The following CDKL3 variants were observed in gnomAD, a reference collection of about 807,000 sequenced individuals.
CDKL3 encodes cyclin dependent kinase like 3, also known as cyclin-dependent kinase-like 3.
CDKL3 carries 65 observed loss-of-function variants against 69.3 expected under a neutral mutation model. That is an observed-to-expected ratio of 0.94 (90% confidence interval 0.77 to 1.15). The LOEUF (loss-of-function observed/expected upper bound fraction) is 1.15, where lower values mean the gene tolerates loss of function less well. Among genes scored for constraint, CDKL3 ranks in the 50% most tolerant of loss-of-function variants. CDKL3 has a pLI of 0.00. For synonymous variants in CDKL3, 202 were observed against 221.6 expected (o/e 0.91, Z 0.79); for missense variants, 652 against 689.2 (o/e 0.95, Z 0.61).
At chr5:134,371,418 C>T, upstream of CDKL3, 5 of 777,218 alleles carry the variant, frequency 6.4e-6, no homozygotes, top group Non-Finnish European at 1.0e-5. Flanking sequence ...CGGCGGAGGG[C>T]GGAGGGATCC....
At chr5:134,343,130 G>C (rs1402529228) in intron 4 of CDKL3, among the ~76,000 whole-genome samples, 1 of 151,898 alleles carries the variant, frequency 6.6e-6, no homozygotes, top group Non-Finnish European at 1.5e-5. Context: ...GTTTGAGCCT[G>C]GAAGGTGGAG....
rs561336460 is a variant in CDKL3 at position 134,338,629 on chromosome 5, G to A, written c.539+11620C>T. Reference sequence around the variant, plus strand: ...GAGAATCACTTGAAAAGAGGAGGCAGAGGTTTCAGTGAGCCAAGATTGCCC... The same window carrying A: ...GAGAATCACTTGAAAAGAGGAGGCAAAGGTTTCAGTGAGCCAAGATTGCCC... On this transcript the variant is annotated intron_variant, in intron 4 of 12. Coordinates refer to ENST00000265334, the MANE Select transcript of CDKL3 (RefSeq NM_001113575.2). Among the ~76,000 whole-genome samples, 80 of 152,280 alleles carry A rather than the reference G, an allele frequency of 5.3e-4. No individual in the cohort carries two copies. The Middle Eastern group carries it at 0.014, about 26-fold the overall frequency.
intron 4 of CDKL3, among the ~76,000 whole-genome samples, chr5:134,345,900 G>A (rs1162546351): frequency 6.6e-6 from 1 of 152,146 alleles, no homozygotes; most frequent in African/African-American, 2.4e-5. Flanking sequence ...AATAACAATT[G>A]TGTCCAGGCT....
At chr5:134,326,835 A>ATATATATATATATATATGTGTGTG (rs1561563195) in intron 4 of CDKL3, among the ~76,000 whole-genome samples, 1 of 77,416 alleles carries the variant, frequency 1.3e-5, no homozygotes, top group Admixed American at 1.4e-4. Context: ...ATATATATAT[A>ATATATATATATATATATGTGTGTG]TATATATATA....
intron 12 of CDKL3, 125 bp from the exon 13 acceptor site, chr5:134,298,835 C>T (rs1765600731): frequency 1.5e-6 from 2 of 1,302,530 alleles, no homozygotes; most frequent in Admixed American, 4.7e-5. Context: ...CTAGTCAAGC[C>T]AAAAGATTTG....
chr5:134,308,245 T>A lies in CDKL3; in HGVS notation c.1257A>T (p.Lys419Asn), dbSNP rs779320236. ...CAGAACCTCCGCAATGTGGATTTTCTTTCAAGCCATTACAGTTAGTGCTGG... is the reference window on the plus strand; with the variant it reads ...CAGAACCTCCGCAATGTGGATTTTCATTCAAGCCATTACAGTTAGTGCTGG... ...INPSTNCNGL[K>N]ENPHCGGSVT... Residue 419 changes from lysine to asparagine, a missense_variant, in exon 9 of 13, where the codon AAA becomes AAT. By Grantham distance (94) the Lys-to-Asn change is moderately conservative (BLOSUM62 0). Coordinates refer to ENST00000265334, the MANE Select transcript of CDKL3 (RefSeq NM_001113575.2). The A allele has an allele frequency of 6.2e-7, 1 of 1,614,018 alleles. No individual in the cohort carries two copies. Among genetic ancestry groups the A allele is most frequent in the South Asian group, 1.1e-5 (1 of 91,082 alleles).
At chr5:134,370,577 G>C (rs1400281925), upstream of CDKL3, among the ~76,000 whole-genome samples, 2 of 152,200 alleles carry the variant, frequency 1.3e-5, no homozygotes, top group African/African-American at 4.8e-5. Flanking sequence ...CCATAGGCAA[G>C]TCCCCGGACT....
chr5:134,307,892 C>CT lies in CDKL3; in HGVS notation c.1364+245dup, dbSNP rs36104884. 3,437 of 476,554 alleles carry CT rather than the reference C, an allele frequency of 7.2e-3. 45 individuals are homozygous for CT. Among genetic ancestry groups the CT allele is most frequent in the African/African-American group, 0.047 (2,285 of 49,082 alleles). The allele number at this position is 476,554 out of a possible 1,614,324, so 29.5% of individuals were successfully genotyped here. A position where few individuals can be genotyped will look rare whatever the true frequency, so the allele number is the denominator to read the frequency against. Reference sequence around the variant, plus strand: ...AAAATAAAAACATTTTTCAAAGGGTCTTTTTTTTTAATAAGGTTTTTCAAG... The same window carrying CT: ...AAAATAAAAACATTTTTCAAAGGGTCTTTTTTTTTTAATAAGGTTTTTCAAG... On this transcript the variant is annotated intron_variant, in intron 9 of 12. Transcript: ENST00000265334.
Position 134,308,174 on chromosome 5 carries a change from G to T in CDKL3, c.1328C>A (p.Ala443Glu). 6.2e-7 allele frequency: 1 copy of T among 1,613,588 alleles called. No individual in the cohort carries two copies. The highest frequency in any genetic ancestry group is 8.5e-7 in the Non-Finnish European group (1 of 1,179,712). The change falls in exon 9 of 13, where the codon GCA (alanine) becomes GAA (glutamate). Residue 443 changes from alanine (A) to glutamate (E), a missense_variant. Coordinates refer to ENST00000265334, the MANE Select transcript of CDKL3 (RefSeq NM_001113575.2). ...GTGAAAGAGATTTGAACTGAGATTT[G>T]CAGCCATCAAATTACTGTTAGTTAG... ...INLTNSNLMA[A>E]NLSSNLFHPS... is the part of the protein sequence containing the mutation.
intron 4 of CDKL3, among the ~76,000 whole-genome samples, chr5:134,335,141 CT>C (rs374206722): frequency 0.024 from 3,312 of 135,978 alleles, 59 homozygotes; most frequent in Admixed American, 0.044. Flanking sequence ...TCAACCTCTG[CT>C]TTTTTTTTTT....
intron 2 of CDKL3, among the ~76,000 whole-genome samples, chr5:134,364,865 G>C (rs1256061867): frequency 7.1e-6 from 1 of 141,480 alleles, no homozygotes; most frequent in Non-Finnish European, 1.5e-5. Flanking sequence ...AGAGTGCAGT[G>C]GCGTGATCTC....
intron 3 of CDKL3, among the ~76,000 whole-genome samples, chr5:134,351,772 T>C (rs1413949576): frequency 6.6e-6 from 1 of 152,206 alleles, no homozygotes; most frequent in African/African-American, 2.4e-5. Flanking sequence ...AATTATTTTT[T>C]AACATTGTTA....
Position 134,317,574 on chromosome 5 carries a change from C to T in CDKL3, c.792+1784G>A, listed in dbSNP as rs548380094. 5.3e-5 allele frequency among the ~76,000 whole-genome samples: 8 copies of T among 152,178 alleles called. No individual in the cohort carries two copies. In the East Asian group the frequency reaches 5.8e-4, roughly 11 times the overall value. On this transcript the variant is annotated intron_variant, in intron 6 of 12. Coordinates refer to ENST00000265334, the MANE Select transcript of CDKL3 (RefSeq NM_001113575.2). ...AGGAGTTCGAGGTTGCAGTGAGCAA[C>T]GATCACACCATTGCACTCCAGCCTG... is the stretch of plus-strand genomic sequence containing the variant.
intron 4 of CDKL3, among the ~76,000 whole-genome samples, chr5:134,326,744 G>T (rs548325959): frequency 6.7e-6 from 1 of 149,214 alleles, no homozygotes; most frequent in African/African-American, 2.5e-5. Flanking sequence ...AGGTTCAAGC[G>T]ATTCTCCTGC....
downstream of CDKL3, among the ~76,000 whole-genome samples, chr5:134,295,022 T>TC (rs1229797015): frequency 1.4e-5 from 2 of 144,358 alleles, no homozygotes; most frequent in African/African-American, 2.6e-5. Flanking sequence ...TTTTTTTTTT[T>TC]TTTTTTTTTT....
intron 3 of CDKL3, among the ~76,000 whole-genome samples, chr5:134,358,757 C>T (rs1259855373): frequency 6.6e-6 from 1 of 151,994 alleles, no homozygotes; most frequent in East Asian, 1.9e-4. Flanking sequence ...GGATTGTGCA[C>T]GATGCCTGAT....
rs78893860 is a variant in CDKL3 at position 134,339,313 on chromosome 5, G to A, written c.539+10936C>T. Among the ~76,000 whole-genome samples, 756 of 152,128 alleles carry A rather than the reference G, an allele frequency of 5.0e-3. 2 individuals are homozygous for A. Among genetic ancestry groups the A allele is most frequent in the African/African-American group, 0.017 (723 of 41,502 alleles). The stretch of plus-strand genomic sequence containing the variant: ...TTTAGGCAAGATATACTTTATATTC[G>A]ATATACAAACATTATAAGTAAAGGT... On this transcript the variant is annotated intron_variant, in intron 4 of 12. Coordinates refer to ENST00000265334, the MANE Select transcript of CDKL3 (RefSeq NM_001113575.2).
intron 4 of CDKL3, among the ~76,000 whole-genome samples, chr5:134,339,496 T>A (rs1471393242): frequency 2.0e-5 from 3 of 152,086 alleles, no homozygotes; most frequent in Non-Finnish European, 4.4e-5. Flanking sequence ...ACTGTAATAA[T>A]GATAAGCATG....
intron 3 of CDKL3, among the ~76,000 whole-genome samples, chr5:134,354,727 T>C (rs183020675): frequency 3.9e-5 from 6 of 152,206 alleles, no homozygotes; most frequent in African/African-American, 1.2e-4. Flanking sequence ...GGCAGGTGGA[T>C]CATGAGGTCA....
Sources: allele counts gnomAD v4.1 joint callset (sites outside exome capture counted in the v4.1 genomes callset), GRCh38; gene constraint gnomAD v4.1.1; transcripts MANE v1.5; gene names NCBI Gene and HGNC (gene_info 2026-07-23, HGNC 2026-07-21).